DNAJC12: variants seen among roughly 807,000 people sequenced by gnomAD.
The protein encoded by DNAJC12 is DnaJ heat shock protein family (Hsp40) member C12, also known as dnaJ homolog subfamily C member 12.
A neutral mutation model predicts 28.5 loss-of-function variants in DNAJC12; 25 were observed. The ratio of observed to expected loss-of-function variants is 0.88; its 90% CI spans 0.64 to 1.22. The LOEUF (loss-of-function observed/expected upper bound fraction) is 1.22. Among genes scored for constraint, DNAJC12 ranks in the 50% most tolerant of loss-of-function variants. DNAJC12 has a pLI of 0.00. For missense variants in DNAJC12, 222 were observed against 231.7 expected (o/e 0.96, Z 0.27); for synonymous variants, 77 against 80.6 (o/e 0.95, Z 0.24).
In DNAJC12 at chr10:67,819,816, G is replaced by GGAAGGAAT. The variant is rs1268302354; in HGVS notation, c.157+3497_157+3498insATTCCTTC. ...AGGAAGGAAGGAAGGAAGGAAGGAA[G>GGAAGGAAT]GAATGTTTATGCATTCACTTATTCA... On this transcript the variant is annotated intron_variant, in intron 2 of 4. Coordinates refer to ENST00000225171, the MANE Select transcript of DNAJC12 (RefSeq NM_021800.3). 9.3e-4 allele frequency among the ~76,000 whole-genome samples: 138 copies of GGAAGGAAT among 147,888 alleles called. 2 individuals are homozygous for GGAAGGAAT. Among genetic ancestry groups the GGAAGGAAT allele is most frequent in the African/African-American group, 3.5e-3 (134 of 38,334 alleles).
Position 67,797,270 on chromosome 10 carries a change from AG to A in DNAJC12, c.503-61del, listed in dbSNP as rs1841683522. ...AAGTAGGAAAAGTCGATCTTGTTAT[AG>A]TAAAACAGCTTGGGGATAATATTTC... On this transcript the variant is annotated intron_variant, in intron 4 of 4. Transcript: ENST00000225171. 2.9e-6 allele frequency: 4 copies of A among 1,387,486 alleles called. No homozygotes were observed. In the African/African-American group the frequency reaches 5.7e-5, roughly 20 times the overall value. 85.9% of individuals were successfully genotyped at this position (1,387,486 alleles called of 1,614,324 possible).
intron 1 of DNAJC12, among the ~76,000 whole-genome samples, chr10:67,826,674 T>G (rs868526873): frequency 2.8e-4 from 36 of 128,742 alleles, no homozygotes; most frequent in East Asian, 1.3e-3. Flanking sequence ...TATATCATTA[T>G]ATATAAGATA....
chr10:67,834,143 C>T, intron 1 of DNAJC12: 1 of 397,358 alleles, frequency 2.5e-6, no homozygotes, highest in Non-Finnish European at 5.0e-6. Context: ...GAGTACCAAG[C>T]TTTTATAATA....
intron 1 of DNAJC12, among the ~76,000 whole-genome samples, chr10:67,824,543 C>G (rs1420133229): frequency 6.6e-6 from 1 of 151,722 alleles, no homozygotes; most frequent in Non-Finnish European, 1.5e-5. Flanking sequence ...AAACTCCAGC[C>G]CAAACTAAAA....
At chr10:67,811,370 A>T (rs542269849) in intron 3 of DNAJC12, 154 bp downstream of exon 3, 1 of 1,485,406 alleles carries the variant, frequency 6.7e-7, no homozygotes, top group Non-Finnish European at 8.9e-7. Flanking sequence ...GCTTCTCTTC[A>T]TGGGATTTAC....
chr10:67,824,973 G>A (rs1387932794), intron 1 of DNAJC12, among the ~76,000 whole-genome samples: 1 of 152,076 alleles, frequency 6.6e-6, no homozygotes, highest in Non-Finnish European at 1.5e-5. Context: ...AACCTCAGGT[G>A]ATCCACCCGC....
At chr10:67,828,769 G>A (rs1338333195) in intron 1 of DNAJC12, among the ~76,000 whole-genome samples, 2 of 151,758 alleles carry the variant, frequency 1.3e-5, no homozygotes, top group Non-Finnish European at 2.9e-5. Context: ...TTTGTCTAAG[G>A]AGATAATCAG....
chr10:67,800,960 T>C (rs1841737800), intron 4 of DNAJC12, among the ~76,000 whole-genome samples: 1 of 152,118 alleles, frequency 6.6e-6, no homozygotes, highest in Non-Finnish European at 1.5e-5. Flanking sequence ...AAAAAATTTC[T>C]TTCTCTTTTT....
At chr10:67,807,328 G>C (rs1488637031) in intron 3 of DNAJC12, among the ~76,000 whole-genome samples, 1 of 152,046 alleles carries the variant, frequency 6.6e-6, no homozygotes, top group African/African-American at 2.4e-5. Context: ...ATACAAGGTG[G>C]GAGATTCCTG....
Position 67,797,098 on chromosome 10 carries a change from T to C in DNAJC12, c.*18A>G. The C allele has an allele frequency of 6.2e-7, 1 of 1,602,484 alleles. No individual in the cohort carries two copies. Among genetic ancestry groups the C allele is most frequent in the African/African-American group, 1.3e-5 (1 of 74,734 alleles). On this transcript the variant is annotated 3_prime_UTR_variant, in exon 5 of 5. Coordinates refer to ENST00000225171, the MANE Select transcript of DNAJC12 (RefSeq NM_021800.3). ...GGGGACAGTCTTGCTCTTCCTCATTTTTTGAAGCAGAGATATTTCATATTT... is the reference window on the plus strand; with the variant it reads ...GGGGACAGTCTTGCTCTTCCTCATTCTTTGAAGCAGAGATATTTCATATTT...
At chr10:67,818,617 C>T (rs1400690753) in intron 2 of DNAJC12, among the ~76,000 whole-genome samples, 1 of 152,008 alleles carries the variant, frequency 6.6e-6, no homozygotes, top group Non-Finnish European at 1.5e-5. Context: ...TAAAGAATAA[C>T]CTGGGGTGGT....
chr10:67,833,773 C>A lies in DNAJC12; in HGVS notation c.78+4161G>T. 6.2e-6 allele frequency: 3 copies of A among 484,768 alleles called. No homozygotes were observed. The Admixed American group carries it at 6.9e-5, about 11-fold the overall frequency. 30.0% of individuals were successfully genotyped at this position (484,768 alleles called of 1,614,324 possible). On this transcript the variant is annotated intron_variant, in intron 1 of 4. Transcript: ENST00000225171. ...AGCCCAGCTATAGCCATGGCCAGTA[C>A]AATGGTAGCAGTTGGACTGACCATT...
At chr10:67,834,837 A>T (rs7900806) in intron 1 of DNAJC12, among the ~76,000 whole-genome samples, 71,411 of 151,498 alleles carry the variant, frequency 0.47, 20,854 homozygotes, top group Non-Finnish European at 0.66. Context: ...ACAAAAATTT[A>T]AAAAAAAAAT....
chr10:67,810,041 T>C (rs1259067023), intron 3 of DNAJC12, among the ~76,000 whole-genome samples: 1 of 151,854 alleles, frequency 6.6e-6, no homozygotes, highest in Non-Finnish European at 1.5e-5. Context: ...CGAAAAGAGG[T>C]TTAATTGACT....
chr10:67,824,235 TAAA>T (rs11351546), intron 1 of DNAJC12, among the ~76,000 whole-genome samples: 1,858 of 135,910 alleles, frequency 0.014, 45 homozygotes, highest in African/African-American at 0.047. Flanking sequence ...GAGTCTGTCT[TAAA>T]AAAAAAAAAA....
intron 2 of DNAJC12, among the ~76,000 whole-genome samples, chr10:67,816,830 A>G (rs1841921581): frequency 6.6e-6 from 1 of 152,162 alleles, no homozygotes; most frequent in Non-Finnish European, 1.5e-5. Context: ...TATAGGTGTG[A>G]GCCATCACAC....
chr10:67,805,654 G>A lies in DNAJC12; in HGVS notation c.431C>T (p.Ala144Val). The A allele has an allele frequency of 6.2e-7, 1 of 1,613,634 alleles. No homozygotes were observed. Among genetic ancestry groups the A allele is most frequent in the Non-Finnish European group, 8.5e-7 (1 of 1,179,868 alleles). ...ERKKEELASTAEKTEQKEPKP... is the reference protein window; with the variant it reads ...ERKKEELASTVEKTEQKEPKP... The stretch of plus-strand genomic sequence containing the variant: ...GGGTTCTTTCTGCTCCGTTTTCTCT[G>A]CGGTTGAAGCCAGCTCCTCTTTCTT... Residue 144 changes from alanine to valine, a missense_variant, in exon 4 of 5, where the codon GCA becomes GTA. Transcript: ENST00000225171.
intron 2 of DNAJC12, among the ~76,000 whole-genome samples, chr10:67,812,302 C>A (rs763758175): frequency 2.0e-4 from 30 of 152,098 alleles, no homozygotes; most frequent in Admixed American, 1.3e-4. Flanking sequence ...AGTAGACAGA[C>A]AATAGCTCAA....
intron 2 of DNAJC12, among the ~76,000 whole-genome samples, chr10:67,819,751 G>A (rs1459768980): frequency 2.2e-4 from 5 of 22,386 alleles, no homozygotes; most frequent in African/African-American, 7.1e-4. Flanking sequence ...AGGAAGGAAG[G>A]AAGGAAGGAA....
Sources: allele counts gnomAD v4.1 joint callset (sites outside exome capture counted in the v4.1 genomes callset), GRCh38; gene constraint gnomAD v4.1.1; transcripts MANE v1.5; gene names NCBI Gene and HGNC (gene_info 2026-07-23, HGNC 2026-07-21).